ZYX: variants seen among roughly 807,000 people sequenced by gnomAD.
The protein encoded by ZYX is zyxin, also known as zyxin-2.
Under a neutral mutation model 58.1 loss-of-function variants are expected in ZYX, and 37 were observed. The ratio of observed to expected loss-of-function variants is 0.64; its 90% CI spans 0.49 to 0.84. The LOEUF (loss-of-function observed/expected upper bound fraction) is 0.84, where lower values mean the gene tolerates loss of function less well. Ranked by LOEUF, ZYX falls within the 40% of genes least tolerant of loss-of-function variation. The probability of loss-of-function intolerance (pLI) is 0.00; values close to 1 mark genes in which losing one functional copy is unlikely to be tolerated. For missense variants in ZYX, 762 were observed against 761.6 expected (o/e 1.00, Z -0.01); for synonymous variants, 324 against 321.1 (o/e 1.01, Z -0.10).
At position 143,384,594 on chromosome 7, in the gene ZYX, G is replaced by C. The variant is rs1246196523; in HGVS notation, c.1023+1272G>C. Among the ~76,000 whole-genome samples, 1 of 152,092 alleles carries C rather than the reference G, an allele frequency of 6.6e-6. No homozygotes were observed. Among genetic ancestry groups the C allele is most frequent in the Non-Finnish European group, 1.5e-5 (1 of 68,018 alleles). Reference sequence around the variant, plus strand: ...TGTATTCGAGGGAGGTCAGTGATGGGTGTGAATTCACTCTTGGGCAATAGT... The same window carrying C: ...TGTATTCGAGGGAGGTCAGTGATGGCTGTGAATTCACTCTTGGGCAATAGT... On this transcript the variant is annotated intron_variant, in intron 5 of 9. Transcript: ENST00000322764. This position sits in a 1 kb window ranked among gnomAD's most constrained non-coding sequence, Gnocchi z 4.9.
chr7:143,389,940 T>G lies in ZYX; in HGVS notation c.1577T>G (p.Leu526Arg). ...GATGAGACTGTGCGAGTGGTCGCCC[T>G]GGACAAGAACTTCCACATGAAGTGT... ...GRDETVRVVA[L>R]DKNFHMKCYK... Residue 526 changes from leucine to arginine, a missense_variant, in exon 9 of 10, where the codon CTG becomes CGG. Coordinates refer to ENST00000322764, the MANE Select transcript of ZYX (RefSeq NM_003461.5). This position sits in a 1 kb window ranked among gnomAD's most constrained non-coding sequence, Gnocchi z 5.6. 1 of 1,614,120 alleles carries G rather than the reference T, an allele frequency of 6.2e-7. No individual in the cohort carries two copies. Among genetic ancestry groups the G allele is most frequent in the Middle Eastern group, 1.6e-4 (1 of 6,062 alleles).
chr7:143,382,226 G>A (rs1455964099), intron 2 of ZYX, 22 bp from the exon 3 acceptor site: 10 of 1,608,006 alleles, frequency 6.2e-6, no homozygotes, highest in Non-Finnish European at 8.5e-6. Context: ...CCCGGCCGAC[G>A]TCTTTCTCCT....
chr7:143,382,302 C>T lies in ZYX; in HGVS notation c.263C>T (p.Ala88Val). Residue 88 changes from alanine to valine, a missense_variant, in exon 3 of 10, where the codon GCT becomes GTT. Coordinates refer to ENST00000322764, the MANE Select transcript of ZYX (RefSeq NM_003461.5). ...GGGGATGGCGACGATGCAGAGGGTG[C>T]TCTGGGAGGTGCCTTCCCGCCGCCC... ...LAGDGDDAEG[A>V]LGGAFPPPPP... 2.5e-6 allele frequency: 4 copies of T among 1,611,800 alleles called. No homozygotes were observed. Among genetic ancestry groups the T allele is most frequent in the Middle Eastern group, 1.7e-4 (1 of 6,054 alleles).
intron 2 of ZYX, 110 bp downstream of exon 2, chr7:143,381,889 A>G: frequency 9.1e-7 from 1 of 1,103,190 alleles, no homozygotes; most frequent in Non-Finnish European, 1.3e-6. Context: ...GGCTGGGCGC[A>G]GCCACCCTGT....
At position 143,390,797 on chromosome 7, in the gene ZYX, A is replaced by T. The variant is rs999603946; in HGVS notation, c.*115A>T. ...TGATGTCTAGCCCCTCCCATTTCCAACCCCTCCCTAGCATCCCAGGTGCCC... is the reference window on the plus strand; with the variant it reads ...TGATGTCTAGCCCCTCCCATTTCCATCCCCTCCCTAGCATCCCAGGTGCCC... On this transcript the variant is annotated 3_prime_UTR_variant, in exon 10 of 10. Coordinates refer to ENST00000322764, the MANE Select transcript of ZYX (RefSeq NM_003461.5). This position sits in a 1 kb window ranked among gnomAD's most constrained non-coding sequence, Gnocchi z 4.3. 1.3e-6 allele frequency: 1 copy of T among 787,116 alleles called. No individual in the cohort carries two copies. The highest frequency in any genetic ancestry group is 1.6e-5 in the South Asian group (1 of 61,610). 48.8% of individuals were successfully genotyped at this position (787,116 alleles called of 1,614,324 possible). A position where few individuals can be genotyped will look rare whatever the true frequency, so the allele number is the denominator to read the frequency against.
In ZYX at chr7:143,388,072, C is replaced by A; in HGVS notation, c.1024-147C>A. The A allele has an allele frequency of 1.1e-6, 1 of 946,226 alleles. No individual in the cohort carries two copies. The highest frequency in any genetic ancestry group is 1.6e-6 in the Non-Finnish European group (1 of 640,258). 58.6% of individuals were successfully genotyped at this position (946,226 alleles called of 1,614,324 possible). On this transcript the variant is annotated intron_variant, in intron 5 of 9. Transcript: ENST00000322764. The surrounding 1 kb of genome is among the most constrained non-coding windows in gnomAD (Gnocchi z 7.5). Reference sequence around the variant, plus strand: ...GCTGGGGATGGCGGGGGTAGGGGGACGAGGGAGAAGCTTTAAGGGTCAAGC... The same window carrying A: ...GCTGGGGATGGCGGGGGTAGGGGGAAGAGGGAGAAGCTTTAAGGGTCAAGC...
At chr7:143,383,560 G>A (rs1038824488) in intron 5 of ZYX, among the ~76,000 whole-genome samples, 4 of 152,070 alleles carry the variant, frequency 2.6e-5, no homozygotes, top group Non-Finnish European at 4.4e-5. Context: ...CTGGGACGGC[G>A]CAGAGAGCAT....
chr7:143,383,031 T>C lies in ZYX; in HGVS notation c.732T>C (p.Pro244=). 3.1e-6 allele frequency: 5 copies of C among 1,614,096 alleles called. No homozygotes were observed. Among genetic ancestry groups the C allele is most frequent in the Non-Finnish European group, 4.2e-6 (5 of 1,179,986 alleles). The change falls in exon 5 of 10, where the codon CCT becomes CCC. Residue 244 remains proline, a synonymous_variant. Transcript: ENST00000322764. ...VQLHVQSQTQ[P]VSLANTQPRG... ...TCCATGTCCAGTCCCAGACCCAGCCTGTGTCTTTGGCTAACACCCAGCCCC... is the reference window on the plus strand; with the variant it reads ...TCCATGTCCAGTCCCAGACCCAGCCCGTGTCTTTGGCTAACACCCAGCCCC...
At position 143,390,600 on chromosome 7, in the gene ZYX, T is replaced by C. The variant is rs1464674651; in HGVS notation, c.1637T>C (p.Ile546Thr). 6.3e-7 allele frequency: 1 copy of C among 1,577,352 alleles called. No homozygotes were observed. The highest frequency in any genetic ancestry group is 8.6e-7 in the Non-Finnish European group (1 of 1,160,892). ...CAGGACTGCGGGAAGCCCCTGTCGA[T>C]TGAGGCAGATGACAATGGCTGCTTC... Reference protein sequence around the residue: ...KCEDCGKPLSIEADDNGCFPL... With the variant: ...KCEDCGKPLSTEADDNGCFPL... The change falls in exon 10 of 10, where the codon ATT (isoleucine) becomes ACT (threonine). Residue 546 changes from isoleucine to threonine, a missense_variant. Physicochemically the swap from Ile to Thr is moderately conservative, Grantham distance 89 (BLOSUM62 -1). Transcript: ENST00000322764. The surrounding 1 kb of genome is among the most constrained non-coding windows in gnomAD (Gnocchi z 4.3).
rs760613736 is a variant in ZYX at position 143,387,814 on chromosome 7, G to C, written c.1024-405G>C. 2.7e-5 allele frequency: 13 copies of C among 475,912 alleles called. No individual in the cohort carries two copies. The highest frequency in any genetic ancestry group is 2.4e-4 in the African/African-American group (12 of 50,408). 29.5% of individuals were successfully genotyped at this position (475,912 alleles called of 1,614,324 possible). On this transcript the variant is annotated intron_variant, in intron 5 of 9. Coordinates refer to ENST00000322764, the MANE Select transcript of ZYX (RefSeq NM_003461.5). This position sits in a 1 kb window ranked among gnomAD's most constrained non-coding sequence, Gnocchi z 5.8. The stretch of plus-strand genomic sequence containing the variant: ...TAGGTGTGTGTGCGCGTGTGTGCAC[G>C]CCATTGCGTGCCCCTGTCCCATGGG...
intron 2 of ZYX, 176 bp from the exon 3 acceptor site, chr7:143,382,072 G>T (rs1204664310): frequency 4.8e-6 from 3 of 625,830 alleles, no homozygotes; most frequent in Non-Finnish European, 8.2e-6. Context: ...TCGGCAGTGC[G>T]CCCGGCCTTT....
In ZYX at chr7:143,381,390, C is replaced by G. The variant is rs1015689681; in HGVS notation, c.-35C>G. ...GCCGAGGCGGCCACCCGAGACGCGG[C>G]GCGCACGCTCCGGCCTGCGGTGAGG... On this transcript the variant is annotated 5_prime_UTR_variant, in exon 1 of 10. Transcript: ENST00000322764. 3.4e-6 allele frequency: 4 copies of G among 1,185,388 alleles called. No homozygotes were observed. The African/African-American group carries it at 6.4e-5, about 19-fold the overall frequency. 73.4% of individuals were successfully genotyped at this position (1,185,388 alleles called of 1,614,324 possible).
chr7:143,388,006 G>A lies in ZYX; in HGVS notation c.1024-213G>A, dbSNP rs1276465210. The A allele has an allele frequency of 3.2e-6, 2 of 622,412 alleles. No individual in the cohort carries two copies. Among genetic ancestry groups the A allele is most frequent in the East Asian group, 5.9e-5 (2 of 34,052 alleles). The allele number at this position is 622,412 out of a possible 1,614,324, so 38.6% of individuals were successfully genotyped here. A position where few individuals can be genotyped will look rare whatever the true frequency, so the allele number is the denominator to read the frequency against. On this transcript the variant is annotated intron_variant, in intron 5 of 9. Coordinates refer to ENST00000322764, the MANE Select transcript of ZYX (RefSeq NM_003461.5). This position sits in a 1 kb window ranked among gnomAD's most constrained non-coding sequence, Gnocchi z 7.5. ...AGTGGGTGGAAATGTCTTGCTGTACGAGATCCAGGCTTAGGTCCCTTCCCC... is the reference window on the plus strand; with the variant it reads ...AGTGGGTGGAAATGTCTTGCTGTACAAGATCCAGGCTTAGGTCCCTTCCCC...
At chr7:143,381,923 T>C (rs1382569340) in intron 2 of ZYX, 144 bp downstream of exon 2, 1 of 833,144 alleles carries the variant, frequency 1.2e-6, no homozygotes, top group East Asian at 2.8e-5. Context: ...TCTTACCTCA[T>C]CGTGGAGCTC....
rs1804977420 is a variant in ZYX at position 143,389,100 on chromosome 7, G to A, written c.1493+155G>A. Among the ~76,000 whole-genome samples the A allele has an allele frequency of 6.6e-6, 1 of 152,242 alleles. No homozygotes were observed. The highest frequency in any genetic ancestry group is 2.1e-4 in the South Asian group (1 of 4,830). On this transcript the variant is annotated intron_variant, in intron 8 of 9. Transcript: ENST00000322764. The surrounding 1 kb of genome is among the most constrained non-coding windows in gnomAD (Gnocchi z 5.6). ...ACAGCAGGGACCAAGTCATCGGGAT[G>A]TAGCTGTCCAGGGGCCTTAGGCCTG...
At chr7:143,382,044 C>G (rs1395248833) in intron 2 of ZYX, 1 of 604,976 alleles carries the variant, frequency 1.7e-6, no homozygotes, top group South Asian at 2.1e-5. Flanking sequence ...CGAAGTGTAA[C>G]GGGAGCTGCA....
chr7:143,389,846 GCC>G lies in ZYX; in HGVS notation c.1494-8_1494-7del. On this transcript the variant is annotated splice_polypyrimidine_tract_variant and intron_variant, in intron 8 of 9. Coordinates refer to ENST00000322764, the MANE Select transcript of ZYX (RefSeq NM_003461.5). The surrounding 1 kb of genome is among the most constrained non-coding windows in gnomAD (Gnocchi z 5.6). ...CTGGCTAACTCGGCTGGCCCTTTCT[GCC>G]CCTTCCAGGCAGTACGCCCCGAGGT... The G allele has an allele frequency of 1.2e-6, 2 of 1,613,340 alleles. No individual in the cohort carries two copies. Among genetic ancestry groups the G allele is most frequent in the Non-Finnish European group, 1.7e-6 (2 of 1,179,830 alleles).
intron 2 of ZYX, 45 bp downstream of exon 2, chr7:143,381,824 TGGGGGGCAG>T: frequency 2.0e-6 from 3 of 1,472,704 alleles, no homozygotes; most frequent in Non-Finnish European, 2.7e-6. Context: ...GGAGCCGGGG[TGGGGGGCAG>T]TCGTTTCGGG....
rs1210062536 is a variant in ZYX at position 143,384,077 on chromosome 7, T to C, written c.1023+755T>C. 2.3e-6 allele frequency: 1 copy of C among 433,534 alleles called. No individual in the cohort carries two copies. Among genetic ancestry groups the C allele is most frequent in the East Asian group, 7.1e-5 (1 of 14,002 alleles). The allele number at this position is 433,534 out of a possible 1,614,324, so 26.9% of individuals were successfully genotyped here. A position where few individuals can be genotyped will look rare whatever the true frequency, so the allele number is the denominator to read the frequency against. ...AGAAAAGCTGTAATTACAAAATGGT[T>C]CTTGCCTTCTAGTTCAGGAAATAAG... is the stretch of plus-strand genomic sequence containing the variant. On this transcript the variant is annotated intron_variant, in intron 5 of 9. Transcript: ENST00000322764. This position sits in a 1 kb window ranked among gnomAD's most constrained non-coding sequence, Gnocchi z 4.9.
Sources: gnomAD v4.1 joint callset for allele counts (sites outside exome capture counted in the v4.1 genomes callset) on GRCh38, gnomAD v4.1.1 for gene constraint, Gnocchi (gnomAD v3.1) non-coding constraint, MANE v1.5 for transcripts, NCBI Gene and HGNC (gene_info 2026-07-23, HGNC 2026-07-21) for gene names.